Variants in RAB31 observed in about 807,000 individuals in gnomAD.
The protein encoded by RAB31 is ras-related protein Rab-31.
A neutral mutation model predicts 25.6 loss-of-function variants in RAB31; 21 were observed. The ratio of observed to expected loss-of-function variants is 0.82; its 90% CI spans 0.58 to 1.18. The LOEUF (loss-of-function observed/expected upper bound fraction) is 1.18, where lower values mean the gene tolerates loss of function less well. Among genes scored for constraint, RAB31 ranks in the 50% most tolerant of loss-of-function variants. The pLI is 0.00. For synonymous variants in RAB31, 87 were observed against 84.0 expected (o/e 1.04, Z -0.20); for missense variants, 196 against 250.1 (o/e 0.78, Z 1.46).
chr18:9,844,199 G>A (rs72947515), intron 5 of RAB31, among the ~76,000 whole-genome samples: 4,691 of 152,142 alleles, frequency 0.031, 91 homozygotes, highest in Non-Finnish European at 0.043. Context: ...CTGTCCTTCA[G>A]TGGCCTCTGG....
At chr18:9,809,171 C>T (rs1021794045) in intron 3 of RAB31, among the ~76,000 whole-genome samples, 2 of 152,268 alleles carry the variant, frequency 1.3e-5, no homozygotes, top group South Asian at 2.1e-4. Flanking sequence ...TTACCTTGGC[C>T]GTGAGCTCTG....
In RAB31 at chr18:9,708,713, C is replaced by G. The variant is rs2067999678; in HGVS notation, c.39+269C>G. On this transcript the variant is annotated intron_variant, in intron 1 of 6. Coordinates refer to ENST00000578921, the MANE Select transcript of RAB31 (RefSeq NM_006868.4). The surrounding 1 kb of genome is among the most constrained non-coding windows in gnomAD (Gnocchi z 6.4). ...GTCCGTGCGCCCCTCTGGTCCGCCC[C>G]CGCTCTCACCCTGCCGGGGTCCGGG... 6.6e-6 allele frequency among the ~76,000 whole-genome samples: 1 copy of G among 151,990 alleles called. No individual in the cohort carries two copies. Among genetic ancestry groups the G allele is most frequent in the Non-Finnish European group, 1.5e-5 (1 of 68,012 alleles).
chr18:9,831,250 A>T (rs886119448), intron 5 of RAB31, among the ~76,000 whole-genome samples: 1 of 152,282 alleles, frequency 6.6e-6, no homozygotes, highest in Admixed American at 6.5e-5. Context: ...ATGATGCAGA[A>T]CTATGTTATC....
intron 3 of RAB31, among the ~76,000 whole-genome samples, chr18:9,807,994 T>C (rs529504144): frequency 1.3e-5 from 2 of 152,274 alleles, no homozygotes; most frequent in Admixed American, 1.3e-4. Flanking sequence ...TCAATAAAAG[T>C]AATCCATGCC....
chr18:9,728,151 A>G (rs571525438), intron 1 of RAB31, among the ~76,000 whole-genome samples: 7 of 152,312 alleles, frequency 4.6e-5, no homozygotes, highest in African/African-American at 1.7e-4. Flanking sequence ...TTTTTCCTCT[A>G]AAGGTAAACC....
chr18:9,846,736 G>A (rs778646255), intron 6 of RAB31, among the ~76,000 whole-genome samples: 7 of 152,202 alleles, frequency 4.6e-5, no homozygotes, highest in Non-Finnish European at 8.8e-5. Context: ...ACTGGTTTGA[G>A]TGCATTACTT....
intron 1 of RAB31, among the ~76,000 whole-genome samples, chr18:9,751,552 C>T (rs1437051611): frequency 5.3e-5 from 8 of 152,278 alleles, no homozygotes; most frequent in Admixed American, 3.9e-4. Context: ...GCCCTTACAT[C>T]GGGCCACAGC....
rs115994374 is a variant in RAB31 at position 9,839,070 on chromosome 18, G to A, written c.381-6512G>A. On this transcript the variant is annotated intron_variant, in intron 5 of 6. Transcript: ENST00000578921. ...CCCTGGACATGAAAACAAAAGCCAC[G>A]GTTCTGGTCCGAAGACATCCACAGC... Among the ~76,000 whole-genome samples, 534 of 152,274 alleles carry A rather than the reference G, an allele frequency of 3.5e-3. 2 individuals carry two copies. The highest frequency in any genetic ancestry group is 0.012 in the African/African-American group (515 of 41,540).
intron 1 of RAB31, among the ~76,000 whole-genome samples, chr18:9,757,533 C>G (rs1405628042): frequency 6.6e-6 from 1 of 152,202 alleles, no homozygotes; most frequent in Non-Finnish European, 1.5e-5. Context: ...TTGGTCAACT[C>G]TAGTCCAGAA....
chr18:9,767,644 T>C (rs2068322917), intron 1 of RAB31, among the ~76,000 whole-genome samples: 1 of 152,212 alleles, frequency 6.6e-6, no homozygotes, highest in African/African-American at 2.4e-5. Flanking sequence ...TGATTACTGA[T>C]GTCTGCCATG....
At chr18:9,734,700 C>T (rs892731630) in intron 1 of RAB31, among the ~76,000 whole-genome samples, 2 of 152,192 alleles carry the variant, frequency 1.3e-5, no homozygotes, top group Non-Finnish European at 2.9e-5. Flanking sequence ...GAGTCTCTGG[C>T]GCCTCAGCAC....
chr18:9,749,356 A>G (rs1178967298), intron 1 of RAB31, among the ~76,000 whole-genome samples: 1 of 151,582 alleles, frequency 6.6e-6, no homozygotes, highest in East Asian at 1.9e-4. Context: ...AACAGAGGGA[A>G]CAGAGGGAGC....
intron 1 of RAB31, among the ~76,000 whole-genome samples, chr18:9,758,439 G>C (rs1200686196): frequency 6.6e-6 from 1 of 151,936 alleles, no homozygotes; most frequent in Non-Finnish European, 1.5e-5. Flanking sequence ...GCCTCTGCTT[G>C]TGTTCTCCTC....
chr18:9,833,009 C>A (rs549068821), intron 5 of RAB31, among the ~76,000 whole-genome samples: 3 of 152,082 alleles, frequency 2.0e-5, no homozygotes, highest in Non-Finnish European at 4.4e-5. Flanking sequence ...CGGAGGAGAA[C>A]GCCTACTGCC....
chr18:9,842,349 T>C (rs867386607), intron 5 of RAB31, among the ~76,000 whole-genome samples: 1 of 152,132 alleles, frequency 6.6e-6, no homozygotes, highest in Non-Finnish European at 1.5e-5. Flanking sequence ...GGCCACAGGA[T>C]GGTCTAGGGC....
intron 5 of RAB31, among the ~76,000 whole-genome samples, chr18:9,836,500 G>C (rs2068704890): frequency 6.6e-6 from 1 of 152,172 alleles, no homozygotes; most frequent in African/African-American, 2.4e-5. Context: ...CATAGTGTCA[G>C]ATTATGAATT....
chr18:9,839,752 G>A (rs777336725), intron 5 of RAB31, among the ~76,000 whole-genome samples: 2 of 152,112 alleles, frequency 1.3e-5, no homozygotes, highest in Non-Finnish European at 2.9e-5. Context: ...TGTGGCCCCC[G>A]AGCCTGTAAC....
chr18:9,773,111 C>T (rs1024242503), intron 1 of RAB31, among the ~76,000 whole-genome samples: 2 of 152,168 alleles, frequency 1.3e-5, no homozygotes, highest in African/African-American at 2.4e-5. Context: ...AGGGTCAGTG[C>T]AGGCTGCTCT....
intron 5 of RAB31, among the ~76,000 whole-genome samples, chr18:9,817,725 C>T (rs1248395370): frequency 1.3e-5 from 2 of 152,156 alleles, no homozygotes; most frequent in Non-Finnish European, 2.9e-5. Context: ...TGCTGTGTTT[C>T]GGGGTGGAAT....
Sources: allele counts gnomAD v4.1 joint callset (sites outside exome capture counted in the v4.1 genomes callset), GRCh38; gene constraint gnomAD v4.1.1; non-coding constraint Gnocchi (gnomAD v3.1); transcripts MANE v1.5; gene names NCBI Gene and HGNC (gene_info 2026-07-23, HGNC 2026-07-21).